The following MAP2K6 variants were observed in gnomAD, a reference collection of about 807,000 sequenced individuals.
MAP2K6 encodes mitogen-activated protein kinase kinase 6, also known as dual specificity mitogen-activated protein kinase kinase 6.
Under a neutral mutation model 53.7 loss-of-function variants are expected in MAP2K6, and 16 were observed. The observed-to-expected ratio is 0.30, with a 90% CI of 0.20 to 0.45. MAP2K6 has a LOEUF of 0.45. Ranked by LOEUF, MAP2K6 falls within the 20% of genes least tolerant of loss-of-function variation. The pLI is 1.00. For synonymous variants in MAP2K6, 132 were observed against 143.1 expected, an observed-to-expected ratio of 0.92 and a Z score of 0.55; for missense variants, 204 against 411.9, an observed-to-expected ratio of 0.50 and a Z score of 4.37.
intron 2 of MAP2K6, among the ~76,000 whole-genome samples, chr17:69,506,352 T>A (rs1253125036): frequency 6.6e-6 from 1 of 151,878 alleles, no homozygotes; most frequent in Non-Finnish European, 1.5e-5. Flanking sequence ...TCAGCTCAAG[T>A]CCTAGTGAAG....
At chr17:69,538,905 A>G (rs1391961511) in intron 11 of MAP2K6, among the ~76,000 whole-genome samples, 2 of 152,178 alleles carry the variant, frequency 1.3e-5, no homozygotes, top group South Asian at 2.1e-4. Context: ...CAGTGTTGCA[A>G]TGTGAAAGCA....
intron 1 of MAP2K6, among the ~76,000 whole-genome samples, chr17:69,459,653 A>G (rs1042261111): frequency 1.7e-4 from 23 of 134,590 alleles, no homozygotes; most frequent in Non-Finnish European, 6.2e-5. Context: ...CGGAGGCTGC[A>G]GTGAGCTGAG....
chr17:69,503,367 G>T (rs974315849), intron 1 of MAP2K6, among the ~76,000 whole-genome samples: 1 of 152,216 alleles, frequency 6.6e-6, no homozygotes, highest in Non-Finnish European at 1.5e-5. Context: ...ACCTAGCATA[G>T]TTCCTGGTAC....
chr17:69,500,704 T>C (rs1297669585), intron 1 of MAP2K6, among the ~76,000 whole-genome samples: 1 of 150,416 alleles, frequency 6.6e-6, no homozygotes, highest in Non-Finnish European at 1.5e-5. Flanking sequence ...TGCAGTGAGC[T>C]GACATTGTGC....
intron 2 of MAP2K6, among the ~76,000 whole-genome samples, chr17:69,514,687 G>A (rs189714489): frequency 1.2e-4 from 18 of 151,058 alleles, no homozygotes; most frequent in Admixed American, 5.9e-4. Context: ...TCAGCCTCCC[G>A]AATAGCTGGG....
chr17:69,483,987 C>A (rs1908435630), intron 1 of MAP2K6, among the ~76,000 whole-genome samples: 1 of 152,018 alleles, frequency 6.6e-6, no homozygotes, highest in Non-Finnish European at 1.5e-5. Flanking sequence ...ATGTAATACT[C>A]TTAGAAGAAA....
chr17:69,455,031 T>C (rs1477660191), intron 1 of MAP2K6, among the ~76,000 whole-genome samples: 2 of 58,208 alleles, frequency 3.4e-5, no homozygotes, highest in Admixed American at 1.4e-4. Flanking sequence ...TTCTTACTAT[T>C]ATTATTTTTT....
chr17:69,467,111 G>C (rs1907840492), intron 1 of MAP2K6, among the ~76,000 whole-genome samples: 1 of 151,724 alleles, frequency 6.6e-6, no homozygotes, highest in African/African-American at 2.4e-5. Context: ...TATCCTTCTG[G>C]TTAATGCTTT....
intron 1 of MAP2K6, among the ~76,000 whole-genome samples, chr17:69,455,604 T>C (rs1907379044): frequency 6.6e-6 from 1 of 152,128 alleles, no homozygotes; most frequent in Non-Finnish European, 1.5e-5. Context: ...AGGCGGGGCA[T>C]TATGGTTGGT....
At chr17:69,534,097 T>A (rs550452777) in intron 10 of MAP2K6, among the ~76,000 whole-genome samples, 45 of 152,304 alleles carry the variant, frequency 3.0e-4, no homozygotes, top group African/African-American at 1.1e-3. Context: ...ATCCCTGGCC[T>A]CTACCTATTA....
rs1567821706 is a variant in MAP2K6 at position 69,449,539 on chromosome 17, T to TTC, written c.16+34541_16+34542dup. ...TTTGTCTTTCTTTCTTTGTCTTTCTTTCTTTCTTTCTTTCTTTCTTTATTT... is the reference window on the plus strand; with the variant it reads ...TTTGTCTTTCTTTCTTTGTCTTTCTTTCTCTTTCTTTCTTTCTTTCTTTATTT... On this transcript the variant is annotated intron_variant, in intron 1 of 11. Transcript: ENST00000590474. Among the ~76,000 whole-genome samples, 25 of 105,364 alleles carry TTC rather than the reference T, an allele frequency of 2.4e-4. No individual in the cohort carries two copies. In the South Asian group the frequency reaches 7.8e-3, roughly 33 times the overall value. The allele number at this position is 105,364 out of a possible 152,430, so 69.1% of individuals were successfully genotyped here.
At chr17:69,533,961 G>A (rs1026427729) in intron 10 of MAP2K6, among the ~76,000 whole-genome samples, 3 of 152,094 alleles carry the variant, frequency 2.0e-5, no homozygotes, top group Non-Finnish European at 2.9e-5. Flanking sequence ...AGAGGAAGCC[G>A]CAACAAGGAG....
chr17:69,520,782 G>C, intron 6 of MAP2K6: 1 of 415,394 alleles, frequency 2.4e-6, no homozygotes, highest in Non-Finnish European at 4.2e-6. Context: ...GGCTATTCAG[G>C]CTCAGGAGGG....
intron 10 of MAP2K6, among the ~76,000 whole-genome samples, chr17:69,533,144 G>T (rs1047149564): frequency 4.6e-5 from 7 of 152,014 alleles, no homozygotes; most frequent in African/African-American, 1.5e-4. Context: ...GGCCAGGCTG[G>T]TCTTGAACTC....
intron 7 of MAP2K6, 174 bp downstream of exon 7, chr17:69,521,274 C>G (rs1910452308): frequency 2.0e-6 from 1 of 497,042 alleles, no homozygotes; most frequent in Non-Finnish European, 3.6e-6. Context: ...TATTCCTTAT[C>G]ATGGCTGAGG....
chr17:69,468,737 G>A (rs564918985), intron 1 of MAP2K6, among the ~76,000 whole-genome samples: 185 of 152,280 alleles, frequency 1.2e-3, no homozygotes, highest in African/African-American at 4.3e-3. Context: ...GGCCAGTAAA[G>A]CCCCTTCATC....
At chr17:69,448,345 T>C (rs747758275) in intron 1 of MAP2K6, among the ~76,000 whole-genome samples, 3 of 152,156 alleles carry the variant, frequency 2.0e-5, no homozygotes, top group Non-Finnish European at 2.9e-5. Flanking sequence ...CTGTCTTTTT[T>C]TTCTTGTCAC....
chr17:69,553,791 G>A lies in MAP2K6; in HGVS notation c.*12038G>A, dbSNP rs1180863794. On this transcript the variant is annotated 3_prime_UTR_variant, in exon 12 of 12. Transcript: ENST00000590474. Reference sequence around the variant, plus strand: ...GTAACATTAAGTATTCAGGAGCAAAGTGTTCTTGAAAGAAAATGGTGTGTT... The same window carrying A: ...GTAACATTAAGTATTCAGGAGCAAAATGTTCTTGAAAGAAAATGGTGTGTT... The A allele has an allele frequency of 6.6e-6, 1 of 152,200 alleles. No homozygotes were observed. The highest frequency in any genetic ancestry group is 1.5e-5 in the Non-Finnish European group (1 of 68,034). 9.4% of individuals were successfully genotyped at this position (152,200 alleles called of 1,614,324 possible). A position where few individuals can be genotyped will look rare whatever the true frequency, so the allele number is the denominator to read the frequency against.
chr17:69,433,619 A>T (rs1199648096), intron 1 of MAP2K6: 2 of 152,192 alleles, frequency 1.3e-5, no homozygotes, highest in Non-Finnish European at 2.9e-5. Context: ...GTGTAAAGAG[A>T]GATGATTCCT....
Sources: allele counts gnomAD v4.1 joint callset (sites outside exome capture counted in the v4.1 genomes callset), GRCh38; gene constraint gnomAD v4.1.1; transcripts MANE v1.5; gene names NCBI Gene and HGNC (gene_info 2026-07-23, HGNC 2026-07-21).